The following ADCY1 variants were observed in gnomAD, a reference collection of about 807,000 sequenced individuals.
The protein encoded by ADCY1 is adenylate cyclase 1.
ADCY1 carries 28 observed loss-of-function variants against 105.4 expected under a neutral mutation model. The observed-to-expected ratio is 0.27, with a 90% CI of 0.20 to 0.36. The LOEUF (loss-of-function observed/expected upper bound fraction) is 0.36, where lower values mean the gene tolerates loss of function less well. ADCY1 is among the 10% of genes least tolerant of loss of function. The pLI, the probability that ADCY1 is intolerant of heterozygous loss-of-function variation, is 1.00. For missense variants in ADCY1, 977 were observed against 1,434.2 expected (o/e 0.68, Z 5.15); for synonymous variants, 655 against 623.8 (o/e 1.05, Z -0.75).
At chr7:45,711,802 T>C (rs1369953370) in intron 19 of ADCY1, among the ~76,000 whole-genome samples, 2 of 106,220 alleles carry the variant, frequency 1.9e-5, no homozygotes, top group African/African-American at 3.3e-5. Flanking sequence ...TATATATACT[T>C]ATACTTTTTT....
chr7:45,660,291 G>C, intron 7 of ADCY1, 108 bp downstream of exon 7: 1 of 1,456,804 alleles, frequency 6.9e-7, no homozygotes, highest in Non-Finnish European at 9.4e-7. Context: ...GCTTCTCTGG[G>C]CTGTGAACTT....
intron 16 of ADCY1, among the ~76,000 whole-genome samples, chr7:45,704,181 C>T (rs1785059836): frequency 6.6e-6 from 1 of 151,616 alleles, no homozygotes; most frequent in African/African-American, 2.4e-5. Context: ...CAGGCACGCA[C>T]CCTTGTCTAC....
At chr7:45,624,100 A>C (rs1278650813) in intron 4 of ADCY1, among the ~76,000 whole-genome samples, 1 of 152,144 alleles carries the variant, frequency 6.6e-6, no homozygotes, top group African/African-American at 2.4e-5. Context: ...GAAAATGTGG[A>C]TGCTCCCTTA....
At chr7:45,581,090 G>A (rs537971013) in intron 1 of ADCY1, among the ~76,000 whole-genome samples, 6 of 152,262 alleles carry the variant, frequency 3.9e-5, no homozygotes, top group Admixed American at 3.9e-4. Context: ...CATTTCAGGG[G>A]CTCTAGTGTA....
chr7:45,680,771 G>A (rs1784540810), intron 11 of ADCY1: 1 of 152,236 alleles, frequency 6.6e-6, no homozygotes, highest in Non-Finnish European at 1.5e-5. Flanking sequence ...CAGGACAGAA[G>A]GATGATAGTT....
intron 2 of ADCY1, among the ~76,000 whole-genome samples, chr7:45,606,886 C>G (rs989463718): frequency 6.6e-6 from 1 of 152,234 alleles, no homozygotes; most frequent in African/African-American, 2.4e-5. Context: ...TTGGCTAGAG[C>G]TTATTGACAT....
chr7:45,692,862 G>T (rs1157887927), intron 14 of ADCY1, among the ~76,000 whole-genome samples: 2 of 151,990 alleles, frequency 1.3e-5, no homozygotes, highest in South Asian at 4.1e-4. Flanking sequence ...AAAATACTAA[G>T]CTCACAAAGA....
At chr7:45,615,322 G>A (rs961776364) in intron 3 of ADCY1, among the ~76,000 whole-genome samples, 1 of 152,192 alleles carries the variant, frequency 6.6e-6, no homozygotes, top group Non-Finnish European at 1.5e-5. Context: ...TCCAGGCTGG[G>A]CATGGTGGCT....
In ADCY1 at chr7:45,703,304, A is replaced by G; in HGVS notation, c.2455-72A>G. 1 of 1,434,152 alleles carries G rather than the reference A, an allele frequency of 7.0e-7. No homozygotes were observed. Among genetic ancestry groups the G allele is most frequent in the South Asian group, 1.2e-5 (1 of 86,796 alleles). 88.8% of individuals were successfully genotyped at this position (1,434,152 alleles called of 1,614,324 possible). A position where few individuals can be genotyped will look rare whatever the true frequency, so the allele number is the denominator to read the frequency against. ...CTGGAGTCCAGTTTGGATGATTAGA[A>G]GGAAGTGTGCGGTGGGAACAAGTGA... On this transcript the variant is annotated intron_variant, in intron 14 of 19. Coordinates refer to ENST00000297323, the MANE Select transcript of ADCY1 (RefSeq NM_021116.4). The surrounding 1 kb of genome is among the most constrained non-coding windows in gnomAD (Gnocchi z 5.9).
At chr7:45,712,378 G>A (rs1436498890) in intron 19 of ADCY1, among the ~76,000 whole-genome samples, 1 of 151,256 alleles carries the variant, frequency 6.6e-6, no homozygotes, top group Non-Finnish European at 1.5e-5. Context: ...CCCCAGCCTG[G>A]CCCCTGCCCC....
chr7:45,713,036 G>A (rs761467353), intron 19 of ADCY1, among the ~76,000 whole-genome samples: 1 of 152,094 alleles, frequency 6.6e-6, no homozygotes, highest in Admixed American at 6.5e-5. Context: ...CACCCCCACC[G>A]ACACCATGCT....
At chr7:45,655,636 A>G (rs1794916953) in intron 5 of ADCY1, among the ~76,000 whole-genome samples, 1 of 152,194 alleles carries the variant, frequency 6.6e-6, no homozygotes, top group Admixed American at 6.5e-5. Context: ...TTTGAGGCAG[A>G]ACCGACTGGG....
intron 14 of ADCY1, among the ~76,000 whole-genome samples, chr7:45,698,859 GAGA>G (rs1233554084): frequency 6.6e-6 from 1 of 152,210 alleles, no homozygotes; most frequent in Non-Finnish European, 1.5e-5. Context: ...CCTATGGTTT[GAGA>G]AGAACACAGA....
At chr7:45,658,343 G>T (rs77729006) in intron 6 of ADCY1, among the ~76,000 whole-genome samples, 225 of 152,330 alleles carry the variant, frequency 1.5e-3, no homozygotes, top group Middle Eastern at 0.014. Context: ...CTGGGTCACA[G>T]ATGATGCCTT....
rs149109911 is a variant in ADCY1 at position 45,628,558 on chromosome 7, C to T, written c.1020+5815C>T. 1.5e-3 allele frequency among the ~76,000 whole-genome samples: 226 copies of T among 152,284 alleles called. 1 individual carries two copies. The highest frequency in any genetic ancestry group is 5.0e-3 in the African/African-American group (208 of 41,558). On this transcript the variant is annotated intron_variant, in intron 4 of 19. Transcript: ENST00000297323. ...GGAACATGGGGAGTATATGAGGAGG[C>T]ACCCCTGCCCTTCCCCAAGGCAGGA...
chr7:45,682,607 C>T (rs139551800), intron 11 of ADCY1, among the ~76,000 whole-genome samples: 22 of 152,274 alleles, frequency 1.4e-4, no homozygotes, highest in Non-Finnish European at 2.6e-4. Context: ...CTTCTCCCAC[C>T]CTGGCCTGGT....
intron 14 of ADCY1, among the ~76,000 whole-genome samples, chr7:45,690,797 G>T (rs954740310): frequency 1.3e-5 from 2 of 152,258 alleles, no homozygotes; most frequent in African/African-American, 4.8e-5. Context: ...GCTCTGGCTG[G>T]CTATCCAGGG....
At chr7:45,597,968 C>A (rs752582422) in intron 2 of ADCY1, among the ~76,000 whole-genome samples, 7 of 152,174 alleles carry the variant, frequency 4.6e-5, no homozygotes, top group Non-Finnish European at 5.9e-5. Context: ...CTCAACACAG[C>A]AAAACAAAGA....
At chr7:45,650,330 G>A (rs868362) in intron 5 of ADCY1, among the ~76,000 whole-genome samples, 26,521 of 151,962 alleles carry the variant, frequency 0.17, 2,982 homozygotes, top group African/African-American at 0.31. Context: ...TGTCATAAAT[G>A]ACATTATATC....
Sources: allele counts gnomAD v4.1 joint callset (sites outside exome capture counted in the v4.1 genomes callset), GRCh38; gene constraint gnomAD v4.1.1; non-coding constraint Gnocchi (gnomAD v3.1); transcripts MANE v1.5; gene names NCBI Gene and HGNC (gene_info 2026-07-23, HGNC 2026-07-21).